BLOC1S5: variants seen among roughly 807,000 people sequenced by gnomAD.
BLOC1S5 encodes biogenesis of lysosomal organelles complex 1 subunit 5, also known as biogenesis of lysosome-related organelles complex 1 subunit 5.
A neutral mutation model predicts 24.3 loss-of-function variants in BLOC1S5; 27 were observed. The ratio of observed to expected loss-of-function variants is 1.11; its 90% confidence interval spans 0.82 to 1.53. The LOEUF (loss-of-function observed/expected upper bound fraction) is 1.53, where lower values mean the gene tolerates loss of function less well. Ranked by LOEUF, BLOC1S5 falls within the 40% of genes most tolerant of loss-of-function variation. BLOC1S5 has a pLI of 0.00. For missense variants in BLOC1S5, 239 were observed against 229.4 expected (o/e 1.04, Z -0.27); for synonymous variants, 84 against 74.5 (o/e 1.13, Z -0.66).
intron 4 of BLOC1S5, among the ~76,000 whole-genome samples, chr6:8,021,711 A>G (rs1374796537): frequency 1.3e-5 from 2 of 152,186 alleles, no homozygotes; most frequent in African/African-American, 4.8e-5. Context: ...ACATTTTAAA[A>G]TGGTTATGAA....
At chr6:8,035,943 G>T (rs1763471883) in intron 3 of BLOC1S5, among the ~76,000 whole-genome samples, 2 of 152,060 alleles carry the variant, frequency 1.3e-5, no homozygotes, top group African/African-American at 4.8e-5. Flanking sequence ...CTTTTCATCA[G>T]CACACAGAAC....
chr6:8,035,531 C>T (rs1052017904), intron 3 of BLOC1S5, among the ~76,000 whole-genome samples: 5 of 151,914 alleles, frequency 3.3e-5, no homozygotes, highest in South Asian at 2.1e-4. Flanking sequence ...TACATTTCCA[C>T]GCAACCAGAA....
chr6:8,041,484 TTG>T, intron 2 of BLOC1S5, among the ~76,000 whole-genome samples: 1 of 149,316 alleles, frequency 6.7e-6, no homozygotes, highest in East Asian at 2.0e-4. Context: ...AGCTAATTTT[TTG>T]TGTTTTTAGT....
intron 3 of BLOC1S5, among the ~76,000 whole-genome samples, chr6:8,037,567 T>G (rs1482556480): frequency 6.6e-6 from 1 of 152,140 alleles, no homozygotes; most frequent in African/African-American, 2.4e-5. Context: ...ACAGGCTCAA[T>G]GCAATCCCTA....
At chr6:8,064,210 G>A in intron 1 of BLOC1S5, 55 bp downstream of exon 1, 1 of 1,463,270 alleles carries the variant, frequency 6.8e-7, no homozygotes, top group Admixed American at 2.4e-5. Flanking sequence ...GGCGCCGCCT[G>A]GGAGATGAGG....
intron 2 of BLOC1S5, among the ~76,000 whole-genome samples, chr6:8,050,420 C>T (rs1203218607): frequency 6.6e-6 from 1 of 151,830 alleles, no homozygotes; most frequent in Non-Finnish European, 1.5e-5. Flanking sequence ...TGAAATTAGG[C>T]CAATTAATAA....
chr6:8,050,516 G>A (rs1230730131), intron 2 of BLOC1S5, among the ~76,000 whole-genome samples: 2 of 152,074 alleles, frequency 1.3e-5, no homozygotes, highest in African/African-American at 4.8e-5. Context: ...TACACTTAGT[G>A]AAGAATGCAT....
chr6:8,064,160 G>C (rs1343123171), intron 1 of BLOC1S5, 105 bp downstream of exon 1: 19 of 941,550 alleles, frequency 2.0e-5, no homozygotes, highest in Non-Finnish European at 2.7e-5. Flanking sequence ...ACAAACGCAC[G>C]CGCGCCAGCC....
chr6:8,017,839 C>T (rs9328451), intron 4 of BLOC1S5: 30,746 of 152,116 alleles, frequency 0.2, 3,400 homozygotes, highest in African/African-American at 0.28. Context: ...CCCAAACCTA[C>T]GCCTTTTCTA....
chr6:8,043,322 A>G (rs1281201148), intron 2 of BLOC1S5, among the ~76,000 whole-genome samples: 4 of 152,324 alleles, frequency 2.6e-5, no homozygotes, highest in Admixed American at 1.3e-4. Context: ...AGCCAATGCA[A>G]TAATACCTCA....
intron 3 of BLOC1S5, among the ~76,000 whole-genome samples, chr6:8,037,503 T>G (rs1763527302): frequency 6.6e-6 from 1 of 152,208 alleles, no homozygotes; most frequent in Admixed American, 6.5e-5. Context: ...AAGATATCCA[T>G]GCTCTGTAAC....
chr6:8,056,921 A>G (rs1340600065), intron 2 of BLOC1S5, among the ~76,000 whole-genome samples: 2 of 152,224 alleles, frequency 1.3e-5, no homozygotes, highest in Non-Finnish European at 2.9e-5. Flanking sequence ...TAATCAATTT[A>G]AAAGACAAAA....
At chr6:8,064,154 A>T in intron 1 of BLOC1S5, 111 bp downstream of exon 1, 1 of 875,146 alleles carries the variant, frequency 1.1e-6, no homozygotes, top group Non-Finnish European at 1.7e-6. Context: ...ACCCGCACAA[A>T]CGCACGCGCG....
At chr6:8,037,820 T>C (rs1190201643) in intron 3 of BLOC1S5, among the ~76,000 whole-genome samples, 1 of 151,838 alleles carries the variant, frequency 6.6e-6, no homozygotes, top group Admixed American at 6.6e-5. Flanking sequence ...AGATATAAAC[T>C]CACACATTTA....
intron 2 of BLOC1S5, among the ~76,000 whole-genome samples, chr6:8,041,655 C>CTTTCTCTTTTTT (rs111955375): frequency 2.7e-5 from 3 of 111,870 alleles, no homozygotes; most frequent in African/African-American, 9.7e-5. Context: ...TTCTTTCTTT[C>CTTTCTCTTTTTT]TTTTTTTTTG....
chr6:8,047,116 C>A (rs1222250017), intron 2 of BLOC1S5, among the ~76,000 whole-genome samples: 1 of 147,376 alleles, frequency 6.8e-6, no homozygotes, highest in Non-Finnish European at 1.5e-5. Context: ...AAACAAGAGA[C>A]TTGCCTTAAA....
intron 4 of BLOC1S5, among the ~76,000 whole-genome samples, chr6:8,020,256 C>A (rs376221913): frequency 1.3e-5 from 2 of 152,228 alleles, no homozygotes; most frequent in Non-Finnish European, 2.9e-5. Flanking sequence ...TAAGGAGATG[C>A]CCCTCAATAC....
At chr6:8,049,057 G>C in intron 2 of BLOC1S5, among the ~76,000 whole-genome samples, 1 of 64,578 alleles carries the variant, frequency 1.5e-5, no homozygotes, top group Non-Finnish European at 3.0e-5. Flanking sequence ...GAGGGGAGAG[G>C]AAGGGAGGGG....
In BLOC1S5 at chr6:8,064,308, C is replaced by G. The variant is rs1430750768; in HGVS notation, c.69G>C (p.Arg23Ser). 2 of 1,613,628 alleles carry G rather than the reference C, an allele frequency of 1.2e-6. No individual in the cohort carries two copies. Among genetic ancestry groups the G allele is most frequent in the African/African-American group, 2.7e-5 (2 of 74,924 alleles). Residue 23 changes from arginine to serine, a missense_variant, in exon 1 of 5, where the codon AGG becomes AGC. By Grantham distance (110) the Arg-to-Ser change is moderately radical (BLOSUM62 -1). Transcript: ENST00000397457. Reference sequence around the variant, plus strand: ...CTGAGCCCGCAGTCCCCAGGGAGTCCCTCTTCTTGCTGCCACCGCCCGGGG... The same window carrying G: ...CTGAGCCCGCAGTCCCCAGGGAGTCGCTCTTCTTGCTGCCACCGCCCGGGG... ...EAAPGGGSKKRDSLGTAGSAH... is the reference protein window; with the variant it reads ...EAAPGGGSKKSDSLGTAGSAH...
Sources: gnomAD v4.1 joint callset for allele counts (sites outside exome capture counted in the v4.1 genomes callset) on GRCh38, gnomAD v4.1.1 for gene constraint, MANE v1.5 for transcripts, NCBI Gene and HGNC (gene_info 2026-07-23, HGNC 2026-07-21) for gene names.